Variants in SPMIP11 observed in about 807,000 individuals in gnomAD.
SPMIP11 encodes the protein sperm microtubule inner protein 11, also known as long intergenic non-protein coding RNA 935.
the SPMIP11 span, chr12:48,764,984 C>A: frequency 1.4e-6 from 1 of 702,700 alleles, no homozygotes; most frequent in Non-Finnish European, 2.6e-6. Context: ...TCATAAAAAG[C>A]GCGATGACCA....
the SPMIP11 span, among the ~76,000 whole-genome samples, chr12:48,763,698 T>G: frequency 6.7e-6 from 1 of 149,216 alleles, no homozygotes. Flanking sequence ...TTTTTTTTTT[T>G]GAGACAGTCT....
chr12:48,736,244 G>C, the SPMIP11 span: 86,027 of 305,362 alleles, frequency 0.28, 13,308 homozygotes, highest in African/African-American at 0.33. Flanking sequence ...TCTCTACCCC[G>C]CAAAAAAACA....
At chr12:48,757,604 C>T in the SPMIP11 span, among the ~76,000 whole-genome samples, 4 of 150,950 alleles carry the variant, frequency 2.6e-5, no homozygotes, top group African/African-American at 9.8e-5. Flanking sequence ...CAAGATCACA[C>T]CACTGCACTG....
At chr12:48,768,849 C>T in the SPMIP11 span, 1 of 1,552,368 alleles carries the variant, frequency 6.4e-7, no homozygotes. Flanking sequence ...CACTAGCCAC[C>T]CTACCCCTGT....
the SPMIP11 span, among the ~76,000 whole-genome samples, chr12:48,738,369 CATATAATGGTTGGAG>C: frequency 0.021 from 3,171 of 152,076 alleles, 132 homozygotes; most frequent in African/African-American, 0.072. Flanking sequence ...GGGCTGTAGC[CATATAATGGTTGGAG>C]ATTGGGTGGG....
the SPMIP11 span, chr12:48,727,659 A>G: frequency 1.5e-6 from 1 of 651,552 alleles, no homozygotes; most frequent in Non-Finnish European, 2.8e-6. Flanking sequence ...GGGGTTAGAG[A>G]TTTATCCTCC....
chr12:48,744,273 G>C, the SPMIP11 span, among the ~76,000 whole-genome samples: 1 of 150,054 alleles, frequency 6.7e-6, no homozygotes, highest in Non-Finnish European at 1.5e-5. Context: ...AAAAAGTGTG[G>C]TACACGCCTG....
At chr12:48,759,038 C>T in the SPMIP11 span, among the ~76,000 whole-genome samples, 208 of 152,294 alleles carry the variant, frequency 1.4e-3, no homozygotes, top group Non-Finnish European at 2.5e-3. Flanking sequence ...TGTGTTCTCT[C>T]TCCCTCCCCT....
chr12:48,749,322 C>T, the SPMIP11 span, among the ~76,000 whole-genome samples: 9 of 150,830 alleles, frequency 6.0e-5, no homozygotes, highest in Non-Finnish European at 1.2e-4. Context: ...CTCTGTTCCC[C>T]GTAGACATAA....
At chr12:48,730,809 A>G in the SPMIP11 span, among the ~76,000 whole-genome samples, 6 of 152,168 alleles carry the variant, frequency 3.9e-5, no homozygotes, top group Non-Finnish European at 7.3e-5. Flanking sequence ...GTAGTGGCAC[A>G]TGCCTGTAAT....
chr12:48,752,669 C>CTTT, the SPMIP11 span, among the ~76,000 whole-genome samples: 8 of 119,254 alleles, frequency 6.7e-5, no homozygotes, highest in Non-Finnish European at 8.5e-5. Flanking sequence ...CCTATTTATT[C>CTTT]TTTTTTTTTT....
chr12:48,753,640 T>C, the SPMIP11 span, among the ~76,000 whole-genome samples: 35 of 152,040 alleles, frequency 2.3e-4, no homozygotes, highest in African/African-American at 7.2e-4. Context: ...ATCCCATTCT[T>C]AGACTCCAGC....
the SPMIP11 span, among the ~76,000 whole-genome samples, chr12:48,742,283 T>C: frequency 1.0e-4 from 14 of 136,090 alleles, 1 homozygote; most frequent in Non-Finnish European, 1.8e-4. Context: ...TTTTCCTTTT[T>C]TTTTTTTTTT....
the SPMIP11 span, among the ~76,000 whole-genome samples, chr12:48,746,788 G>T: frequency 2.0e-5 from 3 of 152,028 alleles, no homozygotes; most frequent in African/African-American, 7.2e-5. Flanking sequence ...GGGCATGGTG[G>T]TGCATGCCTG....
chr12:48,769,884 C>A, the SPMIP11 span, among the ~76,000 whole-genome samples: 1 of 151,612 alleles, frequency 6.6e-6, no homozygotes, highest in Non-Finnish European at 1.5e-5. Flanking sequence ...GCCTCAGCCT[C>A]CCGAGTAGCT....
the SPMIP11 span, among the ~76,000 whole-genome samples, chr12:48,738,126 A>C: frequency 6.6e-6 from 1 of 152,018 alleles, no homozygotes; most frequent in East Asian, 1.9e-4. Context: ...TGTCTGGCTT[A>C]ATTTTATTTA....
chr12:48,763,315 A>G, the SPMIP11 span, among the ~76,000 whole-genome samples: 1 of 152,084 alleles, frequency 6.6e-6, no homozygotes, highest in Non-Finnish European at 1.5e-5. Flanking sequence ...CTGGTACTAC[A>G]GGCGTGCACC....
chr12:48,740,273 CT>C, the SPMIP11 span, among the ~76,000 whole-genome samples: 2 of 152,256 alleles, frequency 1.3e-5, no homozygotes, highest in Middle Eastern at 3.4e-3. Flanking sequence ...TTGCCACTCT[CT>C]TTTTTGCTTT....
chr12:48,735,845 T>C, the SPMIP11 span, among the ~76,000 whole-genome samples: 1 of 151,896 alleles, frequency 6.6e-6, no homozygotes, highest in Non-Finnish European at 1.5e-5. Flanking sequence ...GATCATGCCA[T>C]TGCACTCCAG....
Sources: gnomAD v4.1 joint callset for allele counts (sites outside exome capture counted in the v4.1 genomes callset) on GRCh38, gnomAD v4.1.1 for gene constraint, MANE v1.5 for transcripts, NCBI Gene and HGNC (gene_info 2026-07-23, HGNC 2026-07-21) for gene names.